ZNRF2: variants seen among roughly 807,000 people sequenced by gnomAD.
ZNRF2 encodes the protein E3 ubiquitin-protein ligase ZNRF2.
In ZNRF2, 16 loss-of-function variants were observed where a neutral mutation model predicts 20.4. The observed-to-expected ratio is 0.79, with a 90% CI of 0.53 to 1.19. The LOEUF (loss-of-function observed/expected upper bound fraction) is 1.19. Ranked by LOEUF, ZNRF2 falls within the 50% of genes most tolerant of loss-of-function variation. The pLI, the probability that ZNRF2 is intolerant of heterozygous loss-of-function variation, is 0.00. For synonymous variants in ZNRF2, 178 were observed against 144.9 expected, an observed-to-expected ratio of 1.23 and a Z score of -1.64; for missense variants, 363 against 332.4, an observed-to-expected ratio of 1.09 and a Z score of -0.72.
At chr7:30,339,436 A>C (rs1346906881) in intron 2 of ZNRF2, among the ~76,000 whole-genome samples, 1 of 152,050 alleles carries the variant, frequency 6.6e-6, no homozygotes, top group African/African-American at 2.4e-5. Flanking sequence ...TCTTGAGTTA[A>C]TTTTTATATA....
At chr7:30,292,041 C>T (rs1414292427) in intron 1 of ZNRF2, among the ~76,000 whole-genome samples, 2 of 152,006 alleles carry the variant, frequency 1.3e-5, no homozygotes, top group East Asian at 3.8e-4. Flanking sequence ...ATTTTACCAC[C>T]AGAAATAACT....
chr7:30,325,224 C>T (rs1383171977), intron 2 of ZNRF2, among the ~76,000 whole-genome samples: 2 of 152,106 alleles, frequency 1.3e-5, no homozygotes, highest in African/African-American at 2.4e-5. Flanking sequence ...AAGAAACAGA[C>T]TTCAAAAGCT....
chr7:30,286,544 G>A (rs1041351364), intron 1 of ZNRF2, among the ~76,000 whole-genome samples: 3 of 152,238 alleles, frequency 2.0e-5, no homozygotes, highest in African/African-American at 7.2e-5. Flanking sequence ...TTGAAGAGCA[G>A]TGTTGACTAG....
chr7:30,295,012 A>G (rs1583565740), intron 1 of ZNRF2, among the ~76,000 whole-genome samples: 1 of 89,906 alleles, frequency 1.1e-5, no homozygotes, highest in East Asian at 3.0e-4. Flanking sequence ...AGAGGGAGGG[A>G]AGGAGAGAGA....
intron 1 of ZNRF2, among the ~76,000 whole-genome samples, chr7:30,305,902 A>G (rs1799192581): frequency 6.6e-6 from 1 of 152,170 alleles, no homozygotes; most frequent in Non-Finnish European, 1.5e-5. Context: ...TATGGCAATG[A>G]AATTAAGATT....
intron 2 of ZNRF2, among the ~76,000 whole-genome samples, chr7:30,331,756 T>A (rs955390869): frequency 6.6e-6 from 1 of 152,130 alleles, no homozygotes; most frequent in African/African-American, 2.4e-5. Flanking sequence ...AGAGACACTA[T>A]AAACCACAAA....
At chr7:30,331,120 C>G (rs921377957) in intron 2 of ZNRF2, among the ~76,000 whole-genome samples, 2 of 152,048 alleles carry the variant, frequency 1.3e-5, no homozygotes, top group African/African-American at 4.8e-5. Flanking sequence ...TTGGTGATAT[C>G]CCAGAAGAGC....
At chr7:30,364,408 A>C (rs1024255037) in intron 4 of ZNRF2, among the ~76,000 whole-genome samples, 1 of 152,174 alleles carries the variant, frequency 6.6e-6, no homozygotes, top group Non-Finnish European at 1.5e-5. Flanking sequence ...GCTTGAGATA[A>C]GGAGTTTGAG....
chr7:30,362,599 T>A (rs1800143735), intron 4 of ZNRF2, 143 bp downstream of exon 4: 1 of 458,318 alleles, frequency 2.2e-6, no homozygotes, highest in Non-Finnish European at 3.9e-6. Context: ...CATAGAAAAC[T>A]TACATTAAAA....
At chr7:30,301,570 C>T (rs58468712) in intron 1 of ZNRF2, among the ~76,000 whole-genome samples, 1,709 of 152,080 alleles carry the variant, frequency 0.011, 31 homozygotes, top group African/African-American at 0.038. Context: ...ACTTTTGATA[C>T]ATTAAATATT....
chr7:30,361,928 TATTC>T (rs1800133276), intron 3 of ZNRF2, among the ~76,000 whole-genome samples: 1 of 152,218 alleles, frequency 6.6e-6, no homozygotes, highest in African/African-American at 2.4e-5. Context: ...AGGATTTAAA[TATTC>T]AATAATCACA....
At chr7:30,300,173 G>T (rs1799089251) in intron 1 of ZNRF2, among the ~76,000 whole-genome samples, 1 of 139,670 alleles carries the variant, frequency 7.2e-6, no homozygotes, top group African/African-American at 2.7e-5. Context: ...TTTTTGAGAC[G>T]GAGTCTTACT....
At chr7:30,363,377 C>T (rs1054787476) in intron 4 of ZNRF2, among the ~76,000 whole-genome samples, 2 of 152,100 alleles carry the variant, frequency 1.3e-5, no homozygotes, top group South Asian at 2.1e-4. Context: ...GTTCCTATTA[C>T]GCAGATGAAG....
chr7:30,297,310 G>A (rs1268058914), intron 1 of ZNRF2, among the ~76,000 whole-genome samples: 6 of 152,090 alleles, frequency 3.9e-5, no homozygotes, highest in East Asian at 3.9e-4. Flanking sequence ...TCATCTTGGA[G>A]ATTGTATTTG....
At chr7:30,349,272 A>G (rs1344164929) in intron 2 of ZNRF2, among the ~76,000 whole-genome samples, 1 of 152,204 alleles carries the variant, frequency 6.6e-6, no homozygotes, top group Non-Finnish European at 1.5e-5. Context: ...TCCAAAGCTC[A>G]AGCCTGTTCT....
chr7:30,337,153 ATGT>A lies in ZNRF2; in HGVS notation c.565+13421_565+13423del, dbSNP rs568834214. On this transcript the variant is annotated intron_variant, in intron 2 of 4. Transcript: ENST00000323037. ...TTCTGGTTTTATGTATTTCATAACT[ATGT>A]TGTTTGCACAGATATTTATGACTTA... is the stretch of plus-strand genomic sequence containing the variant. 6.0e-3 allele frequency among the ~76,000 whole-genome samples: 909 copies of A among 152,272 alleles called. 3 individuals are homozygous for A. Among genetic ancestry groups the A allele is most frequent in the Admixed American group, 0.011 (175 of 15,288 alleles).
chr7:30,292,045 A>T (rs1290910315), intron 1 of ZNRF2, among the ~76,000 whole-genome samples: 1 of 152,210 alleles, frequency 6.6e-6, no homozygotes, highest in Non-Finnish European at 1.5e-5. Context: ...TACCACCAGA[A>T]ATAACTGTTA....
At chr7:30,324,930 A>G (rs988652864) in intron 2 of ZNRF2, among the ~76,000 whole-genome samples, 6 of 152,180 alleles carry the variant, frequency 3.9e-5, no homozygotes. Flanking sequence ...GAGAAACCCA[A>G]AACTCTACCT....
intron 2 of ZNRF2, among the ~76,000 whole-genome samples, chr7:30,343,983 G>A (rs1246245104): frequency 5.5e-5 from 8 of 145,700 alleles, no homozygotes; most frequent in Non-Finnish European, 1.2e-4. Flanking sequence ...GCAGTGGCGC[G>A]ATCTCGGCTC....
Sources: allele counts gnomAD v4.1 joint callset (sites outside exome capture counted in the v4.1 genomes callset), GRCh38; gene constraint gnomAD v4.1.1; transcripts MANE v1.5; gene names NCBI Gene and HGNC (gene_info 2026-07-23, HGNC 2026-07-21).